LARGE1: variants seen among roughly 807,000 people sequenced by gnomAD.
LARGE1 encodes the protein xylosyl- and glucuronyltransferase LARGE1.
LARGE1 carries 43 observed loss-of-function variants against 87.6 expected under a neutral mutation model. The ratio of observed to expected loss-of-function variants is 0.49; its 90% confidence interval spans 0.38 to 0.63. LARGE1 has a LOEUF of 0.63. Among genes scored for constraint, LARGE1 ranks in the 30% least tolerant of loss-of-function variants. The pLI, the probability that LARGE1 is intolerant of heterozygous loss-of-function variation, is 0.00. For missense variants in LARGE1, 802 were observed against 1,000.2 expected (o/e 0.80, Z 2.67); for synonymous variants, 434 against 394.6 (o/e 1.10, Z -1.18).
chr22:33,128,896 G>C, the LARGE1 span, among the ~76,000 whole-genome samples: 1 of 152,082 alleles, frequency 6.6e-6, no homozygotes, highest in Admixed American at 6.6e-5. Flanking sequence ...GCTGAACAAT[G>C]AGAACACATG....
chr22:33,596,400 T>A (rs1425960970), intron 5 of LARGE1, among the ~76,000 whole-genome samples: 1 of 152,210 alleles, frequency 6.6e-6, no homozygotes, highest in Non-Finnish European at 1.5e-5. Flanking sequence ...GAAAAGCCCA[T>A]GACAGAGGCC....
chr22:33,822,764 T>A (rs948180679), intron 1 of LARGE1, among the ~76,000 whole-genome samples: 6 of 152,098 alleles, frequency 3.9e-5, no homozygotes, highest in African/African-American at 1.4e-4. Context: ...AAAGGGGAAG[T>A]CGTTAAGGCT....
At chr22:33,848,686 T>A (rs1429742550) in intron 1 of LARGE1, among the ~76,000 whole-genome samples, 1 of 152,088 alleles carries the variant, frequency 6.6e-6, no homozygotes, top group Non-Finnish European at 1.5e-5. Flanking sequence ...TATCCCCCAA[T>A]TAAAGACCCC....
chr22:33,206,666 G>T (rs920516215), intron 11 of LARGE1, among the ~76,000 whole-genome samples: 1 of 152,154 alleles, frequency 6.6e-6, no homozygotes, highest in Non-Finnish European at 1.5e-5. Context: ...ATAGGTCTCT[G>T]CTCCTCCATA....
chr22:33,894,398 T>C (rs1569018517), intron 1 of LARGE1, among the ~76,000 whole-genome samples: 1 of 152,152 alleles, frequency 6.6e-6, no homozygotes, highest in Non-Finnish European at 1.5e-5. Context: ...TGTGGACCCC[T>C]ACTCTACTCA....
intron 2 of LARGE1, among the ~76,000 whole-genome samples, chr22:33,656,058 A>AGTGT (rs3072285): frequency 0.015 from 2,257 of 150,470 alleles, 21 homozygotes; most frequent in African/African-American, 0.031. Flanking sequence ...CATAAGCATG[A>AGTGT]GTGTGTGTGT....
chr22:33,262,139 T>A (rs1372471212), intron 11 of LARGE1, among the ~76,000 whole-genome samples: 1 of 152,200 alleles, frequency 6.6e-6, no homozygotes, highest in African/African-American at 2.4e-5. Flanking sequence ...TCCTTTTTTA[T>A]AGGTGAGCAA....
chr22:33,345,049 T>G (rs925377520), intron 9 of LARGE1, among the ~76,000 whole-genome samples: 1 of 152,218 alleles, frequency 6.6e-6, no homozygotes, highest in Non-Finnish European at 1.5e-5. Flanking sequence ...CTGTGATAAC[T>G]TGTTCCACTT....
chr22:33,272,064 G>A (rs1002563992), downstream of LARGE1, among the ~76,000 whole-genome samples: 1 of 152,178 alleles, frequency 6.6e-6, no homozygotes, highest in African/African-American at 2.4e-5. Context: ...CCATAAAAAT[G>A]CAAGTGAAAG....
chr22:33,287,489 C>T (rs534933484), intron 12 of LARGE1, among the ~76,000 whole-genome samples: 3 of 152,274 alleles, frequency 2.0e-5, no homozygotes, highest in East Asian at 1.9e-4. Flanking sequence ...GTTTCAATAC[C>T]GATGTCCTGA....
chr22:33,366,778 C>A (rs2146955691), intron 9 of LARGE1, among the ~76,000 whole-genome samples: 1 of 152,194 alleles, frequency 6.6e-6, no homozygotes, highest in African/African-American at 2.4e-5. Context: ...TCGAGTATGT[C>A]TTTATTAACA....
At chr22:33,124,386 G>GGAAGGAAGGAAGGAAAGAAGGAAGGA in the LARGE1 span, among the ~76,000 whole-genome samples, 1 of 61,618 alleles carries the variant, frequency 1.6e-5, no homozygotes, top group Non-Finnish European at 3.2e-5. Context: ...GGAAGGAAGG[G>GGAAGGAAGGAAGGAAAGAAGGAAGGA]AGGAAGGAAA....
At chr22:33,753,004 G>A (rs113301658) in intron 2 of LARGE1, among the ~76,000 whole-genome samples, 1 of 152,128 alleles carries the variant, frequency 6.6e-6, no homozygotes, top group East Asian at 1.9e-4. Flanking sequence ...GGTGGATCAC[G>A]AGGTCAGGAG....
intron 2 of LARGE1, among the ~76,000 whole-genome samples, chr22:33,674,141 G>A (rs1177433639): frequency 6.6e-6 from 1 of 151,600 alleles, no homozygotes; most frequent in Non-Finnish European, 1.5e-5. Flanking sequence ...GACGGGTTTC[G>A]CCATGTTGGC....
At chr22:33,119,970 A>G in the LARGE1 span, among the ~76,000 whole-genome samples, 20 of 152,102 alleles carry the variant, frequency 1.3e-4, no homozygotes, top group African/African-American at 4.8e-4. Context: ...GCAGCTAAAA[A>G]TTCCAAGATC....
rs114491059 is a variant in LARGE1, at chr22:33,668,952, C to T, written c.107-18284G>A. On this transcript the variant is annotated intron_variant, in intron 2 of 14. Coordinates refer to ENST00000397394, the MANE Select transcript of LARGE1 (RefSeq NM_133642.5). Reference sequence around the variant, plus strand: ...GGCAAGAGAGGGTTAATTTGCAGCACTCACAAGGACCCTTCAGCAGACCTC... The same window carrying T: ...GGCAAGAGAGGGTTAATTTGCAGCATTCACAAGGACCCTTCAGCAGACCTC... 7.1e-3 allele frequency among the ~76,000 whole-genome samples: 1,076 copies of T among 152,326 alleles called. 15 individuals carry two copies. Among genetic ancestry groups the T allele is most frequent in the African/African-American group, 0.025 (1,025 of 41,572 alleles).
rs1332134791 is a variant in LARGE1 at position 33,564,836 on chromosome 22, G to A, written c.787+12C>T. The A allele has an allele frequency of 6.2e-7, 1 of 1,613,916 alleles. No individual in the cohort carries two copies. The highest frequency in any genetic ancestry group is 1.3e-5 in the African/African-American group (1 of 74,904). On this transcript the variant is annotated intron_variant, in intron 6 of 14. Transcript: ENST00000397394. ...AAGGATATCGGGGAAAAAACGAATG[G>A]GCTACCATTACCTTTGAACTTGTGG...
chr22:33,817,494 T>C (rs2086690338), intron 1 of LARGE1, among the ~76,000 whole-genome samples: 2 of 152,148 alleles, frequency 1.3e-5, no homozygotes, highest in South Asian at 4.1e-4. Context: ...ACAACCTTCA[T>C]GGCTGCATAC....
chr22:33,907,110 C>A (rs1341394194), intron 1 of LARGE1, among the ~76,000 whole-genome samples: 2 of 152,114 alleles, frequency 1.3e-5, no homozygotes, highest in African/African-American at 4.8e-5. Context: ...ATATAACCAA[C>A]ACCACGTGCC....
Sources: gnomAD v4.1 joint callset for allele counts (sites outside exome capture counted in the v4.1 genomes callset) on GRCh38, gnomAD v4.1.1 for gene constraint, MANE v1.5 for transcripts, NCBI Gene and HGNC (gene_info 2026-07-23, HGNC 2026-07-21) for gene names.